Variants in CCDC195 observed in about 807,000 individuals in gnomAD.
CCDC195 encodes coiled-coil domain containing 195.
chr2:224,712,164 C>T (rs925741796), intron 1 of CCDC195, among the ~76,000 whole-genome samples: 3 of 152,104 alleles, frequency 2.0e-5, no homozygotes, highest in Non-Finnish European at 2.9e-5. Context: ...GGTCTGTGTC[C>T]TTCAGTTTCT....
chr2:224,712,843 T>TTCCC (rs1459133044), intron 1 of CCDC195, among the ~76,000 whole-genome samples: 9 of 152,014 alleles, frequency 5.9e-5, no homozygotes, highest in Non-Finnish European at 1.0e-4. Flanking sequence ...GGATGATCTC[T>TTCCC]TCCCTCCCTC....
At chr2:224,705,054 T>G (rs1452549078) in intron 2 of CCDC195, among the ~76,000 whole-genome samples, 1 of 152,180 alleles carries the variant, frequency 6.6e-6, no homozygotes, top group African/African-American at 2.4e-5. Context: ...ACAAAAACTA[T>G]GAGGTATCTG....
chr2:224,714,244 T>C (rs539658866), intron 1 of CCDC195, among the ~76,000 whole-genome samples: 1 of 152,232 alleles, frequency 6.6e-6, no homozygotes, highest in Non-Finnish European at 1.5e-5. Context: ...TATGAATATG[T>C]TCTAACCTCC....
chr2:224,706,130 T>C (rs1436375366), intron 2 of CCDC195, among the ~76,000 whole-genome samples: 1 of 150,830 alleles, frequency 6.6e-6, no homozygotes, highest in East Asian at 1.9e-4. Flanking sequence ...GGTAGTGGGA[T>C]TATGAAGAGT....
intron 2 of CCDC195, among the ~76,000 whole-genome samples, chr2:224,708,011 T>TCTTCCTTCCTTTCTTC (rs1559320352): frequency 2.4e-5 from 2 of 84,734 alleles, no homozygotes; most frequent in African/African-American, 5.3e-5. Flanking sequence ...TTCCTTCCTT[T>TCTTCCTTCCTTTCTTC]CTTCCTTCCT....
At position 224,713,980 on chromosome 2, in the gene CCDC195, C is replaced by CCTTTT. The variant is rs373266230; in HGVS notation, c.235+2146_235+2150dup. Among the ~76,000 whole-genome samples, 432 of 151,768 alleles carry CCTTTT rather than the reference C, an allele frequency of 2.8e-3. 1 individual carries two copies. Among genetic ancestry groups the CCTTTT allele is most frequent in the Middle Eastern group, 3.4e-3 (1 of 294 alleles). On this transcript the variant is annotated intron_variant, in intron 1 of 2. Transcript: ENST00000638102. ...CCTGGCTAATTTTTTCCTGGCTAAT[C>CCTTTT]CTTTTCTTTTCTTTTCTTTTCTATT...
At chr2:224,712,306 G>T (rs1366345719) in intron 1 of CCDC195, among the ~76,000 whole-genome samples, 1 of 152,168 alleles carries the variant, frequency 6.6e-6, no homozygotes, top group Non-Finnish European at 1.5e-5. Context: ...TGCTGTAAAG[G>T]GTTGTTTCTT....
chr2:224,707,989 TCCCTC>T (rs1689245537), intron 2 of CCDC195, among the ~76,000 whole-genome samples: 1 of 45,272 alleles, frequency 2.2e-5, no homozygotes, highest in African/African-American at 1.6e-4. Flanking sequence ...CCTCCCTCCC[TCCCTC>T]CCTCCCTTCC....
chr2:224,714,596 G>T (rs1230457340), intron 1 of CCDC195, among the ~76,000 whole-genome samples: 1 of 152,168 alleles, frequency 6.6e-6, no homozygotes, highest in African/African-American at 2.4e-5. Flanking sequence ...TGCTCGAGAT[G>T]ACCTCCACAG....
chr2:224,713,719 C>A (rs1480462751), intron 1 of CCDC195, among the ~76,000 whole-genome samples: 1 of 151,748 alleles, frequency 6.6e-6, no homozygotes, highest in Non-Finnish European at 1.5e-5. Flanking sequence ...CTCCCAAGTG[C>A]AAATCTAAAT....
intron 1 of CCDC195, among the ~76,000 whole-genome samples, chr2:224,714,326 A>G (rs922996294): frequency 3.9e-5 from 6 of 152,236 alleles, no homozygotes; most frequent in African/African-American, 1.4e-4. Context: ...GTGTTAATAC[A>G]TGTTTTAAAA....
chr2:224,715,890 GTC>G (rs1327784980), intron 1 of CCDC195, among the ~76,000 whole-genome samples: 1 of 152,170 alleles, frequency 6.6e-6, no homozygotes, highest in Admixed American at 6.5e-5. Context: ...CCACAAACCT[GTC>G]TCTCTTATCT....
At chr2:224,711,223 T>C (rs10200881) in intron 1 of CCDC195, among the ~76,000 whole-genome samples, 23 of 152,132 alleles carry the variant, frequency 1.5e-4, no homozygotes, top group Admixed American at 4.6e-4. Flanking sequence ...AGAGCAAAGA[T>C]GCATGGTGTG....
In CCDC195 at chr2:224,710,130, G is replaced by A. The variant is rs576713743; in HGVS notation, c.325C>T (p.Pro109Ser). ...TGACCTTCTAGAATTCCGCTCTTTG[G>A]GTGACTTTTCCCAGATTTCCAGGGA... Residue 109 changes from proline (P) to serine (S), a missense_variant, in exon 2 of 3, where the codon CCA becomes TCA. Transcript: ENST00000638102. 5 of 398,500 alleles carry A rather than the reference G, an allele frequency of 1.3e-5. No individual in the cohort carries two copies. In the South Asian group the frequency reaches 6.4e-4, roughly 51 times the overall value. 24.7% of individuals were successfully genotyped at this position (398,500 alleles called of 1,614,324 possible).
chr2:224,705,291 A>G (rs1360661053), intron 2 of CCDC195, among the ~76,000 whole-genome samples: 1 of 152,224 alleles, frequency 6.6e-6, no homozygotes, highest in Non-Finnish European at 1.5e-5. Flanking sequence ...TAGCATTTCT[A>G]ATTTTAACTG....
intron 2 of CCDC195, among the ~76,000 whole-genome samples, chr2:224,708,795 T>C (rs1689265342): frequency 1.3e-5 from 2 of 152,192 alleles, no homozygotes; most frequent in African/African-American, 4.8e-5. Flanking sequence ...CGTGATAAGC[T>C]AATAATCATG....
chr2:224,712,188 G>T (rs1398960443), intron 1 of CCDC195, among the ~76,000 whole-genome samples: 1 of 152,118 alleles, frequency 6.6e-6, no homozygotes, highest in African/African-American at 2.4e-5. Context: ...TAACAAAAAA[G>T]ATATTCAACA....
chr2:224,704,610 C>CTTTTTTTTTTTTTTTTTTTTTTTTTT (rs55801561), intron 2 of CCDC195, among the ~76,000 whole-genome samples: 3 of 110,644 alleles, frequency 2.7e-5, no homozygotes, highest in Non-Finnish European at 5.2e-5. Flanking sequence ...CTTTTCTTTT[C>CTTTTTTTTTTTTTTTTTTTTTTTTTT]TTTTTTTTTT....
intron 2 of CCDC195, among the ~76,000 whole-genome samples, chr2:224,706,821 CTT>C (rs890904885): frequency 1.8e-4 from 27 of 151,168 alleles, no homozygotes; most frequent in African/African-American, 6.6e-4. Flanking sequence ...CTGGCTGTAA[CTT>C]TTTTTATGAT....
Sources: gnomAD v4.1 joint callset for allele counts (sites outside exome capture counted in the v4.1 genomes callset) on GRCh38, gnomAD v4.1.1 for gene constraint, MANE v1.5 for transcripts, NCBI Gene and HGNC (gene_info 2026-07-23, HGNC 2026-07-21) for gene names.